Variants in TMC8 observed in about 807,000 individuals in gnomAD.
The protein encoded by TMC8 is transmembrane channel-like protein 8.
In TMC8, 71 loss-of-function variants were observed where a neutral mutation model predicts 76.0. The ratio of observed to expected loss-of-function variants is 0.93; its 90% CI spans 0.77 to 1.14. The LOEUF (loss-of-function observed/expected upper bound fraction) is 1.14, where lower values mean the gene tolerates loss of function less well. TMC8 is among the 50% of genes most tolerant of loss of function. The probability of loss-of-function intolerance (pLI) is 0.00; values close to 1 mark genes in which losing one functional copy is unlikely to be tolerated. For synonymous variants in TMC8, 433 were observed against 433.8 expected (o/e 1.00, Z 0.02); for missense variants, 924 against 947.9 (o/e 0.97, Z 0.33).
At chr17:78,139,269 C>G in intron 15 of TMC8, 29 bp downstream of exon 15, 1 of 1,611,424 alleles carries the variant, frequency 6.2e-7, no homozygotes, top group Non-Finnish European at 8.5e-7. Flanking sequence ...GGTGAGGGGA[C>G]AGCAGCTTCA....
rs143371947 is a variant in TMC8 at position 78,137,490 on chromosome 17, G to A, written c.1251+132G>A. 2.7e-4 allele frequency: 400 copies of A among 1,493,636 alleles called. 1 individual carries two copies. In the African/African-American group the frequency reaches 4.7e-3, roughly 17 times the overall value. 92.5% of individuals were successfully genotyped at this position (1,493,636 alleles called of 1,614,324 possible). On this transcript the variant is annotated intron_variant, in intron 10 of 15. Transcript: ENST00000318430. ...AGCTGTGAGCAGGGCTGCCTGCACC[G>A]CCGCACACCTCCAGGGGGCGCCACT...
rs1414247439 is a variant in TMC8, at chr17:78,137,707, T to G, written c.1252-10T>G. The G allele has an allele frequency of 1.2e-6, 2 of 1,605,846 alleles. No homozygotes were observed. Among genetic ancestry groups the G allele is most frequent in the Admixed American group, 1.7e-5 (1 of 60,018 alleles). Reference sequence around the variant, plus strand: ...TGAGTGGTGACGGGTCCCCTTCCCCTGCACCCCAGTGCTGGGAGAACTCCG... The same window carrying G: ...TGAGTGGTGACGGGTCCCCTTCCCCGGCACCCCAGTGCTGGGAGAACTCCG... On this transcript the variant is annotated splice_polypyrimidine_tract_variant and intron_variant, in intron 10 of 15. Coordinates refer to ENST00000318430, the MANE Select transcript of TMC8 (RefSeq NM_152468.5).
In TMC8 at chr17:78,138,007, T is replaced by A. The variant is rs771295817; in HGVS notation, c.1352T>A (p.Leu451Gln). The change falls in exon 12 of 16, where the codon CTG becomes CAG. Residue 451 changes from leucine to glutamine, a missense_variant and splice_region_variant. Transcript: ENST00000318430. Reference protein sequence around the residue: ...FAFLVTLPRRLLVDRFSGRFW... With the variant: ...FAFLVTLPRRQLVDRFSGRFW... ...CCTGGACCCTCCCATCCCTGCAGGC[T>A]GCTGGTGGACCGGTTCTCAGGCCGG... The A allele has an allele frequency of 6.2e-7, 1 of 1,613,898 alleles. No individual in the cohort carries two copies. Among genetic ancestry groups the A allele is most frequent in the Non-Finnish European group, 8.5e-7 (1 of 1,180,010 alleles).
Position 78,141,046 on chromosome 17 carries a change from C to T in TMC8, c.2115C>T (p.Cys705=). 6.2e-7 allele frequency: 1 copy of T among 1,604,534 alleles called. No homozygotes were observed. The highest frequency in any genetic ancestry group is 1.7e-5 in the Admixed American group (1 of 59,748). The change falls in exon 16 of 16, where the codon TGC becomes TGT. Residue 705 remains cysteine (C), a synonymous_variant. Transcript: ENST00000318430. ...ATGCCGCGGGACTGCGTTCCCCTTG[C>T]CCTGGACAGCACGGTGCCCCGGCCT... ...VVDAAGLRSP[C]PGQHGAPASA... is the part of the protein sequence containing the mutation.
At chr17:78,140,460 G>T (rs1240726944) in intron 15 of TMC8, among the ~76,000 whole-genome samples, 1 of 151,844 alleles carries the variant, frequency 6.6e-6, no homozygotes, top group African/African-American at 2.4e-5. Flanking sequence ...GCTGCTTGGG[G>T]ACGGACTCTT....
intron 5 of TMC8, 128 bp from the exon 6 acceptor site, chr17:78,133,278 C>A: frequency 6.8e-7 from 1 of 1,460,172 alleles, no homozygotes; most frequent in Non-Finnish European, 9.5e-7. Context: ...CCTCTGTGGG[C>A]CCTTGTAAGA....
chr17:78,133,497 G>A lies in TMC8; in HGVS notation c.623G>A (p.Ser208Asn), dbSNP rs775147024. The A allele has an allele frequency of 6.2e-7, 1 of 1,613,580 alleles. No individual in the cohort carries two copies. ...AGCATCCGCCTGGCCTACCTCCTCA[G>A]CCCGCTGGCCTGCCTGCTCCTCTGC... The part of the protein sequence containing the change: ...VYSIRLAYLL[S>N]PLACLLLCFC... Residue 208 changes from serine to asparagine, a missense_variant, in exon 6 of 16, where the codon AGC (serine) becomes AAC (asparagine). Physicochemically the swap from Ser to Asn is conservative, Grantham distance 46 (BLOSUM62 1). Transcript: ENST00000318430.
At chr17:78,138,763 G>A (rs375989692) in intron 14 of TMC8, 31 bp downstream of exon 14, 140 of 1,600,964 alleles carry the variant, frequency 8.7e-5, no homozygotes, top group Non-Finnish European at 1.1e-4. Context: ...CATGGGAGGG[G>A]ACACCTGGAG....
rs535685653 is a variant in TMC8, at chr17:78,140,290, A to G, written c.1903-544A>G. 1.3e-4 allele frequency among the ~76,000 whole-genome samples: 19 copies of G among 151,470 alleles called. No homozygotes were observed. In the South Asian group the frequency reaches 2.1e-3, roughly 17 times the overall value. On this transcript the variant is annotated intron_variant, in intron 15 of 15. Coordinates refer to ENST00000318430, the MANE Select transcript of TMC8 (RefSeq NM_152468.5). ...AGTGGGCTGTGGTCTTGCTACTGCA[A>G]TCCTGCCTGGGCAACAGGGAGACAC... is the stretch of plus-strand genomic sequence containing the variant.
At chr17:78,139,452 T>G (rs1441168558) in intron 15 of TMC8, among the ~76,000 whole-genome samples, 2 of 152,116 alleles carry the variant, frequency 1.3e-5, no homozygotes, top group Non-Finnish European at 2.9e-5. Flanking sequence ...GTACATGACC[T>G]TAGGGGCTGG....
chr17:78,131,674 T>C lies in TMC8; in HGVS notation c.86T>C (p.Leu29Pro). The change falls in exon 2 of 16, where the codon CTG becomes CCG. Residue 29 changes from leucine to proline, a missense_variant. Coordinates refer to ENST00000318430, the MANE Select transcript of TMC8 (RefSeq NM_152468.5). ...EELWEAEMER[L>P]RGSGTPVRGL... The stretch of plus-strand genomic sequence containing the variant: ...CTGTGGGAGGCAGAGATGGAGCGGC[T>C]GCGCGGCTCTGGGACGCCCGTGCGC... 1 of 1,572,144 alleles carries C rather than the reference T, an allele frequency of 6.4e-7. No individual in the cohort carries two copies. The highest frequency in any genetic ancestry group is 2.3e-5 in the East Asian group (1 of 42,874).
intron 9 of TMC8, 137 bp downstream of exon 9, chr17:78,135,146 G>T: frequency 8.7e-7 from 1 of 1,150,628 alleles, no homozygotes; most frequent in South Asian, 1.3e-5. Flanking sequence ...GGGAAGGCAG[G>T]TACACACCTC....
intron 4 of TMC8, 28 bp from the exon 5 acceptor site, chr17:78,132,760 C>G (rs1375940869): frequency 1.2e-6 from 2 of 1,609,948 alleles, no homozygotes; most frequent in East Asian, 4.5e-5. Flanking sequence ...GGGGATCCCT[C>G]TCTATTGACC....
chr17:78,138,641 C>T lies in TMC8; in HGVS notation c.1732C>T (p.Leu578=), dbSNP rs754380825. The change falls in exon 14 of 16, where the codon CTG becomes TTG. Residue 578 remains leucine, a synonymous_variant. Transcript: ENST00000318430. ...AGCACCCTGGCAAGTGGTCCCGGAG[C>T]TGGTGGCCCTTGGGCTCCCGCCCAT... ...YSAPWQVVPE[L]VALGLPPIGQ... The T allele has an allele frequency of 2.5e-6, 4 of 1,613,838 alleles. No individual in the cohort carries two copies. The Admixed American group carries it at 6.7e-5, about 27-fold the overall frequency.
In TMC8 at chr17:78,134,669, G is replaced by A. The variant is rs1017963323; in HGVS notation, c.987+105G>A. 43 of 1,542,178 alleles carry A rather than the reference G, an allele frequency of 2.8e-5. No individual in the cohort carries two copies. In the South Asian group the frequency reaches 3.1e-4, roughly 11 times the overall value. ...AACCGAGGCTCAGAGAGGTTCAATCGGTCGTGGCCACAGGTCACGGCCAAG... is the reference window on the plus strand; with the variant it reads ...AACCGAGGCTCAGAGAGGTTCAATCAGTCGTGGCCACAGGTCACGGCCAAG... On this transcript the variant is annotated intron_variant, in intron 8 of 15. Transcript: ENST00000318430.
At chr17:78,134,759 C>A in intron 8 of TMC8, 111 bp from the exon 9 acceptor site, 5 of 1,567,398 alleles carry the variant, frequency 3.2e-6, no homozygotes, top group African/African-American at 1.3e-5. Context: ...AGCTTACAGG[C>A]GACCCTATTC....
In TMC8 at chr17:78,131,866, C is replaced by T. The variant is rs1245873344; in HGVS notation, c.150-16C>T. 2 of 1,461,456 alleles carry T rather than the reference C, an allele frequency of 1.4e-6. No individual in the cohort carries two copies. The highest frequency in any genetic ancestry group is 1.8e-6 in the Non-Finnish European group (2 of 1,111,974). The allele number at this position is 1,461,456 out of a possible 1,614,324, so 90.5% of individuals were successfully genotyped here. On this transcript the variant is annotated splice_polypyrimidine_tract_variant and intron_variant, in intron 2 of 15. Transcript: ENST00000318430. The stretch of plus-strand genomic sequence containing the variant: ...GCGGGTGACTCAGGGGCGCCCCTGT[C>T]ACCACCCCCGTCCAGGCAGCTGCGG...
chr17:78,135,955 G>A (rs556226269), intron 9 of TMC8, among the ~76,000 whole-genome samples: 90 of 152,310 alleles, frequency 5.9e-4, no homozygotes, highest in Middle Eastern at 3.4e-3. Flanking sequence ...CCGGGAAGCT[G>A]AGGCAGGAGA....
In TMC8 at chr17:78,131,716, T is replaced by C. The variant is rs1350995817; in HGVS notation, c.128T>C (p.Met43Thr). 6.3e-7 allele frequency: 1 copy of C among 1,584,988 alleles called. No homozygotes were observed. The highest frequency in any genetic ancestry group is 8.6e-7 in the Non-Finnish European group (1 of 1,167,638). ...CCCGTGCGCGGGCTGCCCTATGCCA[T>C]GATGGACAAGCGCCTCATCTGGTGG... ...GTPVRGLPYA[M>T]MDKRLIWQLR... The change falls in exon 2 of 16, where the codon ATG (methionine) becomes ACG (threonine). Residue 43 changes from methionine to threonine, a missense_variant. Physicochemically the swap from Met to Thr is moderately conservative, Grantham distance 81. Coordinates refer to ENST00000318430, the MANE Select transcript of TMC8 (RefSeq NM_152468.5).
Sources: gnomAD v4.1 joint callset for allele counts (sites outside exome capture counted in the v4.1 genomes callset) on GRCh38, gnomAD v4.1.1 for gene constraint, MANE v1.5 for transcripts, NCBI Gene and HGNC (gene_info 2026-07-23, HGNC 2026-07-21) for gene names.